The following FAN1 variants were observed in gnomAD, a reference collection of about 807,000 sequenced individuals.
FAN1 encodes fanconi-associated nuclease 1.
Under a neutral mutation model 104.9 loss-of-function variants are expected in FAN1, and 91 were observed. The observed-to-expected ratio is 0.87, with a 90% CI of 0.73 to 1.03. The LOEUF is 1.03. Among genes scored for constraint, FAN1 ranks in the 50% least tolerant of loss-of-function variants. FAN1 has a pLI of 0.00. For missense variants in FAN1, 1,263 were observed against 1,239.9 expected (o/e 1.02, Z -0.28); for synonymous variants, 478 against 457.6 (o/e 1.04, Z -0.57).
chr15:30,932,222 A>AC (rs34571521), intron 13 of FAN1, among the ~76,000 whole-genome samples: 1 of 99,004 alleles, frequency 1.0e-5, no homozygotes, highest in Non-Finnish European at 2.0e-5. Flanking sequence ...ACTCCATCTC[A>AC]AAAAAAAAAA....
chr15:30,926,534 T>C lies in FAN1; in HGVS notation c.2488+595T>C, dbSNP rs1766568126. ...GTACTATAGAAAGACAACCACAAGA[T>C]AGGAGTTTACAAAGCCCAGGTTCTT... is the stretch of plus-strand genomic sequence containing the variant. On this transcript the variant is annotated intron_variant, in intron 10 of 14. Transcript: ENST00000362065. 4 of 670,204 alleles carry C rather than the reference T, an allele frequency of 6.0e-6. No homozygotes were observed. In the South Asian group the frequency reaches 2.0e-4, roughly 34 times the overall value. The allele number at this position is 670,204 out of a possible 1,614,324, so 41.5% of individuals were successfully genotyped here.
chr15:30,927,704 C>A, intron 10 of FAN1: 3 of 985,578 alleles, frequency 3.0e-6, no homozygotes, highest in Non-Finnish European at 3.6e-6. Flanking sequence ...GGCCAGTGGT[C>A]TTGTGGGGAG....
In FAN1 at chr15:30,939,979, A is replaced by G. The variant is rs184492712; in HGVS notation, c.*4-1587A>G. The G allele has an allele frequency of 1.4e-3, 1,336 of 981,160 alleles. 1 individual carries two copies. Among genetic ancestry groups the G allele is most frequent in the Non-Finnish European group, 1.5e-3 (1,264 of 826,036 alleles). The allele number at this position is 981,160 out of a possible 1,614,324, so 60.8% of individuals were successfully genotyped here. A position where few individuals can be genotyped will look rare whatever the true frequency, so the allele number is the denominator to read the frequency against. On this transcript the variant is annotated intron_variant, in intron 14 of 14. Transcript: ENST00000362065. ...CCTGTTATATCCAGAGACATTATCA[A>G]ATTTTAAAAGGCAAATAATTCAAAA...
rs535344715 is a variant in FAN1, at chr15:30,924,095, C to T, written c.2173-1032C>T. On this transcript the variant is annotated intron_variant, in intron 8 of 14. Transcript: ENST00000362065. ...TTCATTTCATTGAAGTGGAATCCTA[C>T]GATATTTGTGGTTTTATGTCTGGTG... 9.9e-5 allele frequency among the ~76,000 whole-genome samples: 15 copies of T among 152,282 alleles called. No individual in the cohort carries two copies. The East Asian group carries it at 1.2e-3, about 12-fold the overall frequency.
chr15:30,921,940 G>A (rs1197513577), intron 7 of FAN1, among the ~76,000 whole-genome samples: 2 of 152,108 alleles, frequency 1.3e-5, no homozygotes, highest in East Asian at 3.8e-4. Flanking sequence ...GACCCTGTGC[G>A]ACTCTGCACT....
chr15:30,941,342 T>G, intron 14 of FAN1: 2 of 1,534,106 alleles, frequency 1.3e-6, no homozygotes, highest in Non-Finnish European at 8.7e-7. Context: ...TTTTTAAATA[T>G]TAGTGCAAAT....
Position 30,941,635 on chromosome 15 carries a change from A to AG in FAN1, c.*76dup. 1 of 1,608,192 alleles carries AG rather than the reference A, an allele frequency of 6.2e-7. No individual in the cohort carries two copies. The highest frequency in any genetic ancestry group is 1.1e-5 in the South Asian group (1 of 90,254). ...GTGTCCCCGAGGTGTCGGTGTGGTG[A>AG]GGGCCGCTGGCGTTGAAGTACATCC... is the stretch of plus-strand genomic sequence containing the variant. On this transcript the variant is annotated 3_prime_UTR_variant, in exon 15 of 15. Transcript: ENST00000362065.
chr15:30,941,013 G>C (rs1017637410), intron 14 of FAN1: 28 of 1,169,914 alleles, frequency 2.4e-5, no homozygotes, highest in Non-Finnish European at 2.9e-5. Context: ...AGTTCAATTA[G>C]AGACGACAGA....
intron 10 of FAN1, chr15:30,927,389 G>A (rs2062491700): frequency 1.0e-6 from 1 of 985,458 alleles, no homozygotes; most frequent in African/African-American, 1.7e-5. Flanking sequence ...GCAACAGCCA[G>A]GAGTCCTGAG....
intron 13 of FAN1, among the ~76,000 whole-genome samples, chr15:30,934,057 T>TG (rs1169527047): frequency 4.6e-5 from 7 of 152,184 alleles, no homozygotes; most frequent in Non-Finnish European, 8.8e-5. Context: ...TATTTCTTCT[T>TG]GCGTTTCTAT....
chr15:30,927,516 G>A (rs2062495053), intron 10 of FAN1: 1 of 985,670 alleles, frequency 1.0e-6, no homozygotes, highest in African/African-American at 1.7e-5. Flanking sequence ...AGGTGACCCA[G>A]GCAGGCATGA....
intron 12 of FAN1, 22 bp downstream of exon 12, chr15:30,929,419 A>T: frequency 6.3e-7 from 1 of 1,575,796 alleles, no homozygotes; most frequent in Non-Finnish European, 8.6e-7. Flanking sequence ...CCTGCATGGC[A>T]GGATTTGCTC....
In FAN1 at chr15:30,930,478, C is replaced by T; in HGVS notation, c.2788-65C>T. The T allele has an allele frequency of 2.0e-6, 3 of 1,532,936 alleles. No individual in the cohort carries two copies. The South Asian group carries it at 3.9e-5, about 20-fold the overall frequency. The allele number at this position is 1,532,936 out of a possible 1,614,324, so 95.0% of individuals were successfully genotyped here. On this transcript the variant is annotated intron_variant, in intron 12 of 14. Coordinates refer to ENST00000362065, the MANE Select transcript of FAN1 (RefSeq NM_014967.5). ...CTGAGCTTTTCTCCGTCTCGTGATC[C>T]CTGGAGCCTATTTCCATTCTCTGTC...
Position 30,925,821 on chromosome 15 carries a change from T to G in FAN1, c.2370T>G (p.Arg790=), listed in dbSNP as rs1442896447. Residue 790 remains arginine, a synonymous_variant, in exon 10 of 15, where the codon CGT becomes CGG. Transcript: ENST00000362065. ...TCACAGGCAGGCTGTGCCCACAGCG[T>G]GGGATGTGCAAGTCTGTGTTTGTGA... ...VTITGRLCPQ[R]GMCKSVFVME... 6.2e-7 allele frequency: 1 copy of G among 1,614,158 alleles called. No individual in the cohort carries two copies. Among genetic ancestry groups the G allele is most frequent in the South Asian group, 1.1e-5 (1 of 91,084 alleles).
chr15:30,905,021 G>A lies in FAN1; in HGVS notation c.358G>A (p.Glu120Lys), dbSNP rs1280177262. The change falls in exon 2 of 15, where the codon GAA becomes AAA. Residue 120 changes from glutamate (E) to lysine (K), a missense_variant. Physicochemically the swap from Glu to Lys is moderately conservative, Grantham distance 56. Coordinates refer to ENST00000362065, the MANE Select transcript of FAN1 (RefSeq NM_014967.5). Reference protein sequence around the residue: ...TPGQSDSAKREVKQKISPYFK... With the variant: ...TPGQSDSAKRKVKQKISPYFK... ...TGGCCAAAGTGATTCAGCAAAAAGG[G>A]AAGTAAAGCAGAAGATCAGTCCCTA... 1.2e-6 allele frequency: 2 copies of A among 1,614,066 alleles called. No individual in the cohort carries two copies. Among genetic ancestry groups the A allele is most frequent in the Admixed American group, 1.7e-5 (1 of 60,022 alleles).
At chr15:30,929,958 CATATA>C (rs1262906443) in intron 12 of FAN1, among the ~76,000 whole-genome samples, 22 of 100,734 alleles carry the variant, frequency 2.2e-4, no homozygotes, top group Non-Finnish European at 3.4e-4. Context: ...TAATATATAT[CATATA>C]ATATATAAAA....
chr15:30,910,433 T>G (rs542360608), intron 3 of FAN1, among the ~76,000 whole-genome samples, 181 bp from the exon 4 acceptor site: 1 of 152,372 alleles, frequency 6.6e-6, no homozygotes, highest in Admixed American at 6.5e-5. Context: ...TTTTAAGAGA[T>G]ATAATAATAG....
rs533629765 is a variant in FAN1, at chr15:30,904,892, G to A, written c.229G>A (p.Val77Ile). 1.9e-6 allele frequency: 3 copies of A among 1,613,856 alleles called. No individual in the cohort carries two copies. The highest frequency in any genetic ancestry group is 2.5e-6 in the Non-Finnish European group (3 of 1,179,968). ...NDFVQVDPGQ[V>I]GLINSNVSMV... ...CTTCGTTCAAGTGGATCCAGGGCAG[G>A]TTGGCTTAATAAATTCAAATGTGTC... The change falls in exon 2 of 15, where the codon GTT becomes ATT. Residue 77 changes from valine (V) to isoleucine (I), a missense_variant. Transcript: ENST00000362065.
chr15:30,932,716 C>CTTTT (rs60673122), intron 13 of FAN1, among the ~76,000 whole-genome samples: 13 of 134,358 alleles, frequency 9.7e-5, no homozygotes, highest in African/African-American at 1.1e-4. Context: ...TGTTTCTTTT[C>CTTTT]TTTTTTTTTT....
Sources: gnomAD v4.1 joint callset for allele counts (sites outside exome capture counted in the v4.1 genomes callset) on GRCh38, gnomAD v4.1.1 for gene constraint, MANE v1.5 for transcripts, NCBI Gene and HGNC (gene_info 2026-07-23, HGNC 2026-07-21) for gene names.